The following ADGRL2 variants were observed in gnomAD, a reference collection of about 807,000 sequenced individuals.
ADGRL2 encodes calcium-independent alpha-latrotoxin receptor 2.
In ADGRL2, 44 loss-of-function variants were observed where a neutral mutation model predicts 157.4. That is an observed-to-expected ratio of 0.28 (90% CI 0.22 to 0.36). ADGRL2 has a LOEUF of 0.36. Among genes scored for constraint, ADGRL2 ranks in the 10% least tolerant of loss-of-function variants. ADGRL2 has a pLI of 1.00. For missense variants in ADGRL2, 1,510 were observed against 1,768.9 expected (o/e 0.85, Z 2.63); for synonymous variants, 585 against 624.7 (o/e 0.94, Z 0.95).
chr1:81,801,944 C>T (rs2149482610), intron 1 of ADGRL2, among the ~76,000 whole-genome samples: 1 of 152,158 alleles, frequency 6.6e-6, no homozygotes. Context: ...TCTCGAAGAG[C>T]GGCGTGTGGG....
chr1:81,968,517 A>T (rs1657798222), intron 14 of ADGRL2, among the ~76,000 whole-genome samples: 1 of 152,224 alleles, frequency 6.6e-6, no homozygotes. Context: ...CTCGAGTTTA[A>T]CATGCCCTTC....
chr1:81,713,841 G>A (rs1488953287), intron 1 of ADGRL2, among the ~76,000 whole-genome samples: 1 of 152,138 alleles, frequency 6.6e-6, no homozygotes, highest in Non-Finnish European at 1.5e-5. Flanking sequence ...CTTGATATTA[G>A]GTAGAGATAC....
intron 2 of ADGRL2, among the ~76,000 whole-genome samples, chr1:81,560,892 C>T (rs1210138510): frequency 1.3e-5 from 2 of 152,178 alleles, no homozygotes; most frequent in African/African-American, 2.4e-5. Context: ...TCCCCTTTTG[C>T]TTCCTCCATT....
intron 2 of ADGRL2, chr1:81,502,155 A>G: frequency 1.3e-6 from 2 of 1,592,726 alleles, no homozygotes; most frequent in East Asian, 4.6e-5. Context: ...TTTCATGTGC[A>G]GAAAGTAGCT....
intron 3 of ADGRL2, among the ~76,000 whole-genome samples, chr1:81,681,229 T>C (rs1305798606): frequency 6.6e-6 from 1 of 152,218 alleles, no homozygotes; most frequent in Non-Finnish European, 1.5e-5. Context: ...CAAAGAAAGC[T>C]TGAGAACCTG....
chr1:81,661,403 C>G (rs1359295822), intron 3 of ADGRL2, among the ~76,000 whole-genome samples: 1 of 152,048 alleles, frequency 6.6e-6, no homozygotes, highest in African/African-American at 2.4e-5. Context: ...ATTAGTGTAA[C>G]AATTTTAGAT....
rs141656433 is a variant in ADGRL2, at chr1:81,966,500, G to A, written c.2240G>A (p.Arg747His). 51 of 1,613,528 alleles carry A rather than the reference G, an allele frequency of 3.2e-5. No homozygotes were observed. Among genetic ancestry groups the A allele is most frequent in the African/African-American group, 4.0e-5 (3 of 74,882 alleles). ...TIKLGADFIGRNSTIAVNSHV... is the reference protein window; with the variant it reads ...TIKLGADFIGHNSTIAVNSHV... ...AAACTGGGTGCTGATTTTATTGGTC[G>A]TAATAGCACCATTGCAGTGAACTCT... is the stretch of plus-strand genomic sequence containing the variant. Residue 747 changes from arginine to histidine, a missense_variant, in exon 13 of 24, where the codon CGT becomes CAT. This residue lies in a region of ADGRL2 where 497 missense variants were observed against 627.2 expected (regional missense o/e 0.79). Coordinates refer to ENST00000686636, the MANE Select transcript of ADGRL2 (RefSeq NM_001366006.2).
At chr1:81,946,587 A>G (rs555562256) in intron 6 of ADGRL2, among the ~76,000 whole-genome samples, 1 of 152,100 alleles carries the variant, frequency 6.6e-6, no homozygotes, top group Non-Finnish European at 1.5e-5. Context: ...ATGTGTTTTT[A>G]CTTGGCTTTT....
At chr1:81,498,073 A>G (rs1161683265) in intron 2 of ADGRL2, among the ~76,000 whole-genome samples, 2 of 152,192 alleles carry the variant, frequency 1.3e-5, no homozygotes, top group South Asian at 4.1e-4. Flanking sequence ...AAATGAATGT[A>G]GGAACCCTCA....
intron 2 of ADGRL2, among the ~76,000 whole-genome samples, chr1:81,516,142 T>C (rs1211045812): frequency 1.3e-5 from 2 of 152,374 alleles, no homozygotes; most frequent in East Asian, 1.9e-4. Flanking sequence ...AATAATTTTT[T>C]CCTTAGAATA....
intron 1 of ADGRL2, among the ~76,000 whole-genome samples, chr1:81,747,117 ATG>A (rs1186530453): frequency 2.8e-5 from 4 of 144,682 alleles, no homozygotes; most frequent in Admixed American, 6.9e-5. Context: ...ATGTGTATAT[ATG>A]TGTATATATG....
intron 2 of ADGRL2, among the ~76,000 whole-genome samples, chr1:81,498,902 G>T (rs560371866): frequency 1.3e-5 from 2 of 152,258 alleles, no homozygotes; most frequent in South Asian, 4.1e-4. Context: ...ACAATAAAAA[G>T]GAAGGGCCAG....
intron 1 of ADGRL2, among the ~76,000 whole-genome samples, chr1:81,363,218 G>C (rs2100927358): frequency 6.6e-6 from 1 of 152,162 alleles, no homozygotes; most frequent in African/African-American, 2.4e-5. Flanking sequence ...CATAAAAACT[G>C]AGTAGGGAAC....
chr1:81,828,765 A>G (rs936309715), intron 1 of ADGRL2, among the ~76,000 whole-genome samples: 1 of 152,186 alleles, frequency 6.6e-6, no homozygotes, highest in African/African-American at 2.4e-5. Flanking sequence ...GCACTAAAAC[A>G]TAAATTTTAA....
Position 81,969,271 on chromosome 1 carries a change from T to C in ADGRL2, c.2617T>C (p.Phe873Leu). Residue 873 changes from phenylalanine (F) to leucine (L), a missense_variant, in exon 15 of 24, where the codon TTC (phenylalanine) becomes CTC (leucine). Phe to Leu is a conservative substitution (Grantham distance 22). Coordinates refer to ENST00000686636, the MANE Select transcript of ADGRL2 (RefSeq NM_001366006.2). ...LVCLAICIFTFCFFRGLQSDR... is the reference protein window; with the variant it reads ...LVCLAICIFTLCFFRGLQSDR... ...TTGCCTGGCTATCTGCATCTTCACC[T>C]TCTGCTTTTTCCGTGGCCTACAGAG... 1 of 1,614,034 alleles carries C rather than the reference T, an allele frequency of 6.2e-7. No homozygotes were observed. Among genetic ancestry groups the C allele is most frequent in the Non-Finnish European group, 8.5e-7 (1 of 1,179,888 alleles).
At chr1:81,809,436 T>A (rs1222126375) in intron 1 of ADGRL2, among the ~76,000 whole-genome samples, 1 of 151,954 alleles carries the variant, frequency 6.6e-6, no homozygotes, top group Non-Finnish European at 1.5e-5. Context: ...GAGATGGAGA[T>A]AAAAATGAAC....
chr1:81,340,326 C>T lies in ADGRL2; in HGVS notation c.-302+33817C>T, dbSNP rs114683647. On this transcript the variant is annotated intron_variant, in intron 1 of 24. Transcript: ENST00000370721. ...ATTAACAATAGCAGGACACATTTAA[C>T]CTTATCACTAATATCCAAGCTTCTG... Among the ~76,000 whole-genome samples the T allele has an allele frequency of 4.6e-3, 695 of 152,248 alleles. 7 individuals carry two copies. The highest frequency in any genetic ancestry group is 0.016 in the African/African-American group (662 of 41,542).
At chr1:81,377,074 A>G (rs945628640) in intron 1 of ADGRL2, among the ~76,000 whole-genome samples, 24 of 152,134 alleles carry the variant, frequency 1.6e-4, no homozygotes, top group African/African-American at 5.6e-4. Flanking sequence ...GCACCTGTAT[A>G]GTCCTAAGCT....
chr1:81,531,156 G>A (rs2079589273), intron 2 of ADGRL2, among the ~76,000 whole-genome samples: 2 of 151,896 alleles, frequency 1.3e-5, no homozygotes, highest in African/African-American at 2.4e-5. Flanking sequence ...GCAATAAATA[G>A]TTGTTAAAAG....
Sources: allele counts gnomAD v4.1 joint callset (sites outside exome capture counted in the v4.1 genomes callset), GRCh38; gene constraint gnomAD v4.1.1; regional missense constraint gnomAD v4.1.1; transcripts MANE v1.5; gene names NCBI Gene and HGNC (gene_info 2026-07-23, HGNC 2026-07-21).